Variants in CTNND2 observed in about 807,000 individuals in gnomAD.
CTNND2 encodes catenin delta-2.
A neutral mutation model predicts 144.4 loss-of-function variants in CTNND2; 22 were observed. The observed-to-expected ratio is 0.15, with a 90% CI of 0.11 to 0.22. The LOEUF is 0.22. Among genes scored for constraint, CTNND2 ranks in the 10% least tolerant of loss-of-function variants. The probability of loss-of-function intolerance (pLI) is 1.00; values close to 1 mark genes in which losing one functional copy is unlikely to be tolerated. For synonymous variants in CTNND2, 751 were observed against 695.6 expected (o/e 1.08, Z -1.25); for missense variants, 1,353 against 1,618.8 (o/e 0.84, Z 2.82).
At chr5:11,442,118 T>A (rs920889926) in intron 3 of CTNND2, among the ~76,000 whole-genome samples, 2 of 152,242 alleles carry the variant, frequency 1.3e-5, no homozygotes, top group African/African-American at 4.8e-5. Context: ...ACATCACTTA[T>A]AATTCTGTGA....
At position 11,524,511 on chromosome 5, in the gene CTNND2, G is replaced by A. The variant is rs569525341; in HGVS notation, c.287+40433C>T. 5.9e-5 allele frequency among the ~76,000 whole-genome samples: 9 copies of A among 152,278 alleles called. No homozygotes were observed. In the South Asian group the frequency reaches 1.4e-3, roughly 25 times the overall value. ...GGGTTAATGGAGGCTGAGTGAGGACGCTCCTGGTGACACAGGGAACCCTGC... is the reference window on the plus strand; with the variant it reads ...GGGTTAATGGAGGCTGAGTGAGGACACTCCTGGTGACACAGGGAACCCTGC... On this transcript the variant is annotated intron_variant, in intron 3 of 21. Coordinates refer to ENST00000304623, the MANE Select transcript of CTNND2 (RefSeq NM_001332.4).
intron 10 of CTNND2, among the ~76,000 whole-genome samples, chr5:11,216,612 G>A (rs1216751326): frequency 6.6e-6 from 1 of 152,228 alleles, no homozygotes; most frequent in Non-Finnish European, 1.5e-5. Context: ...TTAGCCCAGT[G>A]AGACCAATTT....
At chr5:11,102,362 C>T (rs1371649489) in intron 14 of CTNND2, among the ~76,000 whole-genome samples, 2 of 152,134 alleles carry the variant, frequency 1.3e-5, no homozygotes, top group African/African-American at 4.8e-5. Context: ...TCTAATTTTA[C>T]ACACATATTT....
chr5:11,414,281 G>C (rs1761756978), intron 3 of CTNND2, among the ~76,000 whole-genome samples: 1 of 152,094 alleles, frequency 6.6e-6, no homozygotes, highest in Non-Finnish European at 1.5e-5. Flanking sequence ...AACCATGACA[G>C]AATAAATTTC....
rs1783011960 is a variant in CTNND2 at position 11,658,170 on chromosome 5, AACTT to A, written c.174+73962_174+73965del. On this transcript the variant is annotated intron_variant, in intron 2 of 21. Coordinates refer to ENST00000304623, the MANE Select transcript of CTNND2 (RefSeq NM_001332.4). ...TCTTCAAGTTTTATGAAGATTGTGA[AACTT>A]ACTTACATTATTACATCTTTTTAAC... Among the ~76,000 whole-genome samples the A allele has an allele frequency of 2.0e-5, 3 of 152,110 alleles. 1 individual carries two copies. Among genetic ancestry groups the A allele is most frequent in the South Asian group, 4.1e-4 (2 of 4,828 alleles).
chr5:11,366,040 T>C (rs970525292), intron 7 of CTNND2, among the ~76,000 whole-genome samples: 2 of 152,226 alleles, frequency 1.3e-5, no homozygotes, highest in African/African-American at 4.8e-5. Context: ...TCAGCCTCTC[T>C]ATTCCGGACT....
chr5:11,211,147 G>C (rs572323175), intron 10 of CTNND2, among the ~76,000 whole-genome samples: 28 of 152,266 alleles, frequency 1.8e-4, no homozygotes, highest in African/African-American at 6.7e-4. Context: ...AGGGTGTGAT[G>C]GTGTTGCCGG....
chr5:11,184,666 C>T (rs1333831212), intron 11 of CTNND2, among the ~76,000 whole-genome samples: 1 of 152,064 alleles, frequency 6.6e-6, no homozygotes, highest in Non-Finnish European at 1.5e-5. Flanking sequence ...TAGATTAATC[C>T]TTGTTCACTA....
At chr5:11,076,785 C>T (rs968623133) in intron 16 of CTNND2, among the ~76,000 whole-genome samples, 2 of 152,130 alleles carry the variant, frequency 1.3e-5, no homozygotes, top group African/African-American at 2.4e-5. Context: ...AGAGTTTCCC[C>T]GATAATGGAG....
chr5:11,304,751 T>G (rs1282793865), intron 9 of CTNND2, among the ~76,000 whole-genome samples: 1 of 152,186 alleles, frequency 6.6e-6, no homozygotes, highest in African/African-American at 2.4e-5. Flanking sequence ...GCAGAGAGTC[T>G]GTTTCTTCCT....
intron 11 of CTNND2, among the ~76,000 whole-genome samples, chr5:11,193,877 T>C (rs1736591814): frequency 6.6e-6 from 1 of 152,224 alleles, no homozygotes; most frequent in African/African-American, 2.4e-5. Flanking sequence ...ATTAGCAAGG[T>C]CACTTGGCTG....
At position 11,847,128 on chromosome 5, in the gene CTNND2, T is replaced by TTATATA. The variant is rs56978156; in HGVS notation, c.37+56683_37+56688dup. Among the ~76,000 whole-genome samples, 375 of 72,296 alleles carry TTATATA rather than the reference T, an allele frequency of 5.2e-3. 1 individual carries two copies. Among genetic ancestry groups the TTATATA allele is most frequent in the Non-Finnish European group, 6.4e-3 (270 of 42,322 alleles). 47.4% of individuals were successfully genotyped at this position (72,296 alleles called of 152,430 possible). A position where few individuals can be genotyped will look rare whatever the true frequency, so the allele number is the denominator to read the frequency against. On this transcript the variant is annotated intron_variant, in intron 1 of 21. Transcript: ENST00000304623. Reference sequence around the variant, plus strand: ...AAATAAAATCAGTATGTCAAAGATTTTATATATATATATATATATATATAT... The same window carrying TTATATA: ...AAATAAAATCAGTATGTCAAAGATTTTATATATATATATATATATATATATATATAT...
chr5:11,560,695 C>T (rs982046942), intron 3 of CTNND2, among the ~76,000 whole-genome samples: 5 of 152,124 alleles, frequency 3.3e-5, no homozygotes, highest in South Asian at 2.1e-4. Context: ...CTGTGCTGAT[C>T]GAGAAGACAT....
chr5:11,072,149 T>C (rs796881148), intron 16 of CTNND2, among the ~76,000 whole-genome samples: 11 of 152,336 alleles, frequency 7.2e-5, no homozygotes, highest in African/African-American at 2.6e-4. Context: ...GACCAATAAA[T>C]TAAACTGTTC....
intron 18 of CTNND2, among the ~76,000 whole-genome samples, chr5:11,005,022 C>T (rs1292180722): frequency 6.6e-6 from 1 of 152,118 alleles, no homozygotes; most frequent in Admixed American, 6.5e-5. Flanking sequence ...CTGTAAGAGC[C>T]ATGAAGGAAA....
At position 11,110,975 on chromosome 5, in the gene CTNND2, T is replaced by C; in HGVS notation, c.2346A>G (p.Gly782=). The part of the protein sequence containing the change: ...SYRLAAETSQ[G]QHMGTDELDG... ...CCAGCTCGTCCGTGCCCATGTGCTG[T>C]CCCTGAGACGTTTCTGCCGCCAGCC... Residue 782 remains glycine, a synonymous_variant, in exon 14 of 22, where the codon GGA becomes GGG. Coordinates refer to ENST00000304623, the MANE Select transcript of CTNND2 (RefSeq NM_001332.4). 6.2e-7 allele frequency: 1 copy of C among 1,614,134 alleles called. No individual in the cohort carries two copies. Among genetic ancestry groups the C allele is most frequent in the Non-Finnish European group, 8.5e-7 (1 of 1,180,026 alleles).
At chr5:11,521,119 A>G (rs2150040361) in intron 3 of CTNND2, among the ~76,000 whole-genome samples, 1 of 152,348 alleles carries the variant, frequency 6.6e-6, no homozygotes, top group African/African-American at 2.4e-5. Context: ...AATATAATAA[A>G]CATTCATATC....
At chr5:11,788,350 C>T (rs1215767757) in intron 1 of CTNND2, among the ~76,000 whole-genome samples, 1 of 152,148 alleles carries the variant, frequency 6.6e-6, no homozygotes, top group Non-Finnish European at 1.5e-5. Flanking sequence ...GCTGCCTTCA[C>T]TCCAGCAAAG....
chr5:11,110,999 C>T lies in CTNND2; in HGVS notation c.2322G>A (p.Arg774=), dbSNP rs1216954888. The change falls in exon 14 of 22, where the codon CGG becomes CGA. Residue 774 remains arginine (R), a synonymous_variant. Coordinates refer to ENST00000304623, the MANE Select transcript of CTNND2 (RefSeq NM_001332.4). Reference sequence around the variant, plus strand: ...GTCCCTGAGACGTTTCTGCCGCCAGCCGGTACGAGAGGTTCCTTAAAATGC... The same window carrying T: ...GTCCCTGAGACGTTTCTGCCGCCAGTCGGTACGAGAGGTTCCTTAAAATGC... The part of the protein sequence containing the change: ...CVCILRNLSY[R]LAAETSQGQH... The T allele has an allele frequency of 6.2e-7, 1 of 1,614,110 alleles. No individual in the cohort carries two copies. The highest frequency in any genetic ancestry group is 1.7e-5 in the Admixed American group (1 of 60,014).
Sources: gnomAD v4.1 joint callset for allele counts (sites outside exome capture counted in the v4.1 genomes callset) on GRCh38, gnomAD v4.1.1 for gene constraint, MANE v1.5 for transcripts, NCBI Gene and HGNC (gene_info 2026-07-23, HGNC 2026-07-21) for gene names.